The following CNTNAP5 variants were observed in gnomAD, a reference collection of about 807,000 sequenced individuals.
CNTNAP5 encodes the protein contactin-associated protein-like 5.
Under a neutral mutation model 150.2 loss-of-function variants are expected in CNTNAP5, and 72 were observed. That is an observed-to-expected ratio of 0.48 (90% confidence interval 0.40 to 0.58). The LOEUF is 0.58. Ranked by LOEUF, CNTNAP5 falls within the 20% of genes least tolerant of loss-of-function variation. The probability of loss-of-function intolerance (pLI) is 0.00; values close to 1 mark genes in which losing one functional copy is unlikely to be tolerated. For missense variants in CNTNAP5, 1,636 were observed against 1,626.2 expected (o/e 1.01, Z -0.10); for synonymous variants, 672 against 619.8 (o/e 1.08, Z -1.25).
At chr2:124,280,941 G>C (rs1687997409) in intron 3 of CNTNAP5, among the ~76,000 whole-genome samples, 1 of 152,074 alleles carries the variant, frequency 6.6e-6, no homozygotes, top group Admixed American at 6.6e-5. Flanking sequence ...TCATTAAGCT[G>C]TTTCTCTAAA....
intron 13 of CNTNAP5, among the ~76,000 whole-genome samples, chr2:124,718,598 T>C (rs1679990199): frequency 6.6e-6 from 1 of 152,138 alleles, no homozygotes; most frequent in Non-Finnish European, 1.5e-5. Context: ...TTGGTGATTA[T>C]GTATGTGGAA....
intron 1 of CNTNAP5, among the ~76,000 whole-genome samples, chr2:124,113,639 T>G (rs1409266889): frequency 6.6e-6 from 1 of 151,938 alleles, no homozygotes; most frequent in Non-Finnish European, 1.5e-5. Flanking sequence ...GTTCATTTTC[T>G]TAATTAAATG....
chr2:124,703,920 AGT>A (rs1679578402), intron 13 of CNTNAP5, among the ~76,000 whole-genome samples: 1 of 152,206 alleles, frequency 6.6e-6, no homozygotes, highest in African/African-American at 2.4e-5. Flanking sequence ...GTTTAAAGAA[AGT>A]GTCCTAGATT....
intron 10 of CNTNAP5, among the ~76,000 whole-genome samples, chr2:124,553,200 G>A (rs1286204416): frequency 6.6e-6 from 1 of 152,152 alleles, no homozygotes; most frequent in East Asian, 1.9e-4. Flanking sequence ...AAGGGACAAT[G>A]TGTTCCAAGA....
At chr2:124,633,513 G>A (rs1480647814) in intron 12 of CNTNAP5, among the ~76,000 whole-genome samples, 1 of 152,166 alleles carries the variant, frequency 6.6e-6, no homozygotes, top group Non-Finnish European at 1.5e-5. Context: ...CTGCCCCTCC[G>A]GCTTTGCAAG....
chr2:124,158,804 G>T (rs1046854148), intron 1 of CNTNAP5, among the ~76,000 whole-genome samples: 5 of 152,172 alleles, frequency 3.3e-5, no homozygotes, highest in African/African-American at 9.7e-5. Flanking sequence ...CATCTCACTA[G>T]GGTGAACATT....
intron 19 of CNTNAP5, among the ~76,000 whole-genome samples, chr2:124,857,679 A>T (rs556992057): frequency 6.6e-6 from 1 of 152,074 alleles, no homozygotes; most frequent in Non-Finnish European, 1.5e-5. Context: ...AAAAAGAAAA[A>T]AAAATGAATA....
rs1037813784 is a variant in CNTNAP5 at position 124,387,790 on chromosome 2, C to T, written c.382-29653C>T. On this transcript the variant is annotated intron_variant, in intron 3 of 23. Transcript: ENST00000682447. ...GTATACGTGCAAGTCACAGGGGATG[C>T]GATGGCTTGGCTTGGGCTCAGAGGC... Among the ~76,000 whole-genome samples the T allele has an allele frequency of 1.2e-4, 18 of 152,254 alleles. No homozygotes were observed. The Middle Eastern group carries it at 0.01, about 87-fold the overall frequency.
intron 1 of CNTNAP5, among the ~76,000 whole-genome samples, chr2:124,110,087 G>A (rs146902878): frequency 2.4e-4 from 37 of 152,292 alleles, no homozygotes; most frequent in African/African-American, 8.9e-4. Flanking sequence ...CTTTTTTGGG[G>A]TATTTACTTG....
chr2:124,204,129 G>C (rs2420571), intron 1 of CNTNAP5, among the ~76,000 whole-genome samples: 46,918 of 152,038 alleles, frequency 0.31, 7,392 homozygotes, highest in South Asian at 0.47. Context: ...ATGTCTTGAA[G>C]GCTTTGCTGC....
intron 11 of CNTNAP5, among the ~76,000 whole-genome samples, chr2:124,593,755 G>C (rs1573482361): frequency 1.1e-5 from 1 of 87,982 alleles, no homozygotes; most frequent in African/African-American, 4.3e-5. Context: ...CCCACCAACA[G>C]TGTAAAAGTG....
intron 13 of CNTNAP5, among the ~76,000 whole-genome samples, chr2:124,704,253 A>G (rs1445496199): frequency 6.6e-6 from 1 of 152,228 alleles, no homozygotes; most frequent in African/African-American, 2.4e-5. Context: ...TTGCAAGCAC[A>G]GGTGCTCCCC....
At chr2:124,365,614 G>T (rs1166259065) in intron 3 of CNTNAP5, among the ~76,000 whole-genome samples, 1 of 152,166 alleles carries the variant, frequency 6.6e-6, no homozygotes, top group Non-Finnish European at 1.5e-5. Context: ...CAAAAGATTT[G>T]CTGTAATTCC....
chr2:124,205,548 A>C (rs1210364181), intron 1 of CNTNAP5, among the ~76,000 whole-genome samples: 1 of 151,594 alleles, frequency 6.6e-6, no homozygotes, highest in Non-Finnish European at 1.5e-5. Flanking sequence ...CCTCCCAAGT[A>C]GCTGGGACTA....
chr2:124,871,990 A>AT (rs1177004055), intron 21 of CNTNAP5, among the ~76,000 whole-genome samples: 3 of 151,994 alleles, frequency 2.0e-5, no homozygotes, highest in Non-Finnish European at 4.4e-5. Context: ...TGCTAATTCT[A>AT]TCATCATATT....
At chr2:124,469,965 C>T (rs369891842) in intron 6 of CNTNAP5, among the ~76,000 whole-genome samples, 9 of 152,106 alleles carry the variant, frequency 5.9e-5, no homozygotes, top group African/African-American at 1.7e-4. Flanking sequence ...TTTCTTTATC[C>T]GGTCTATCAT....
intron 13 of CNTNAP5, among the ~76,000 whole-genome samples, chr2:124,706,958 GAGGAGGAGA>G: frequency 1.3e-5 from 1 of 76,398 alleles, no homozygotes; most frequent in African/African-American, 5.4e-5. Context: ...GGAGGAGGAG[GAGGAGGAGA>G]AGAGGAAGAG....
At chr2:124,782,578 T>A (rs1003954768) in intron 17 of CNTNAP5, among the ~76,000 whole-genome samples, 1 of 152,140 alleles carries the variant, frequency 6.6e-6, no homozygotes, top group Non-Finnish European at 1.5e-5. Flanking sequence ...CTGGGAGAAT[T>A]TTAGTTCAAT....
At chr2:124,905,080 C>A (rs1360149066) in intron 22 of CNTNAP5, among the ~76,000 whole-genome samples, 11 of 135,234 alleles carry the variant, frequency 8.1e-5, no homozygotes, top group East Asian at 2.2e-4. Flanking sequence ...AAAAACACTT[C>A]AAAAAATAGG....
Sources: gnomAD v4.1 joint callset for allele counts (sites outside exome capture counted in the v4.1 genomes callset) on GRCh38, gnomAD v4.1.1 for gene constraint, MANE v1.5 for transcripts, NCBI Gene and HGNC (gene_info 2026-07-23, HGNC 2026-07-21) for gene names.